Variants in PARD3 observed in about 807,000 individuals in gnomAD.
PARD3 encodes the protein partitioning defective 3 homolog.
Under a neutral mutation model 155.4 loss-of-function variants are expected in PARD3, and 75 were observed. That is an observed-to-expected ratio of 0.48 (90% confidence interval 0.40 to 0.58). The LOEUF is 0.58. Ranked by LOEUF, PARD3 falls within the 20% of genes least tolerant of loss-of-function variation. PARD3 has a pLI of 0.00. For missense variants in PARD3, 1,642 were observed against 1,721.7 expected (o/e 0.95, Z 0.82); for synonymous variants, 576 against 610.5 (o/e 0.94, Z 0.83).
chr10:34,345,739 C>A (rs1837347092), intron 15 of PARD3: 2 of 985,200 alleles, frequency 2.0e-6, no homozygotes, highest in African/African-American at 3.5e-5. Context: ...TTGCCCCATA[C>A]CTCTCCTAAT....
chr10:34,310,110 A>G (rs1957626681), intron 20 of PARD3, among the ~76,000 whole-genome samples: 1 of 152,194 alleles, frequency 6.6e-6, no homozygotes, highest in Non-Finnish European at 1.5e-5. Flanking sequence ...ACCTTTATAT[A>G]CTAATTTGTG....
intron 1 of PARD3, among the ~76,000 whole-genome samples, chr10:34,811,897 C>T (rs979337384): frequency 6.6e-6 from 1 of 152,164 alleles, no homozygotes. Flanking sequence ...CCATGTAACG[C>T]GGTTCCCAAT....
At chr10:34,561,719 C>T (rs376170462) in intron 2 of PARD3, among the ~76,000 whole-genome samples, 12 of 151,612 alleles carry the variant, frequency 7.9e-5, no homozygotes, top group Admixed American at 4.6e-4. Flanking sequence ...GGTTTCTCCA[C>T]GTTGGTCAGG....
intron 15 of PARD3, chr10:34,345,676 A>T: frequency 1.0e-6 from 1 of 985,428 alleles, no homozygotes; most frequent in Non-Finnish European, 1.2e-6. Context: ...AGAAAAACAT[A>T]AATCCGAATT....
At chr10:34,164,191 T>TA (rs563335782) in intron 22 of PARD3, among the ~76,000 whole-genome samples, 32 of 152,064 alleles carry the variant, frequency 2.1e-4, no homozygotes, top group Non-Finnish European at 3.8e-4. Context: ...GAATTGGCCA[T>TA]AAAAAAAACC....
chr10:34,223,610 AAAAC>A (rs1169243145), intron 22 of PARD3, among the ~76,000 whole-genome samples: 1 of 152,236 alleles, frequency 6.6e-6, no homozygotes. Context: ...TAAAGGATAA[AAAAC>A]AATCAAGAGA....
At chr10:34,205,544 G>A (rs932088700) in intron 22 of PARD3, among the ~76,000 whole-genome samples, 63 of 152,148 alleles carry the variant, frequency 4.1e-4, no homozygotes, top group African/African-American at 1.4e-3. Context: ...AGTGCGGTAA[G>A]GTGTCAGATG....
At chr10:34,444,624 G>A (rs543052974) in intron 5 of PARD3, among the ~76,000 whole-genome samples, 65 of 152,148 alleles carry the variant, frequency 4.3e-4, no homozygotes, top group African/African-American at 1.4e-3. Flanking sequence ...TGAAAACCCC[G>A]GCTACTCTTT....
At chr10:34,525,253 C>T (rs1046902277) in intron 2 of PARD3, among the ~76,000 whole-genome samples, 1 of 152,174 alleles carries the variant, frequency 6.6e-6, no homozygotes, top group East Asian at 1.9e-4. Flanking sequence ...ATTAATTCCA[C>T]GCTTCATCAG....
At chr10:34,568,413 C>T (rs868177591) in intron 2 of PARD3, among the ~76,000 whole-genome samples, 28 of 152,068 alleles carry the variant, frequency 1.8e-4, no homozygotes, top group African/African-American at 6.8e-4. Context: ...AAATCTTGCT[C>T]GTTTTGAAAG....
At chr10:34,365,872 G>A (rs923302571) in intron 12 of PARD3, among the ~76,000 whole-genome samples, 2 of 152,132 alleles carry the variant, frequency 1.3e-5, no homozygotes, top group African/African-American at 4.8e-5. Flanking sequence ...ACAGGCATGA[G>A]CCACCAAGCC....
chr10:34,570,128 C>T (rs2134144146), intron 2 of PARD3, among the ~76,000 whole-genome samples: 1 of 152,288 alleles, frequency 6.6e-6, no homozygotes, highest in South Asian at 2.1e-4. Flanking sequence ...AAGTTGCTTA[C>T]TCTCCCAGTT....
chr10:34,700,301 A>G (rs1729043342), intron 1 of PARD3, among the ~76,000 whole-genome samples: 1 of 152,204 alleles, frequency 6.6e-6, no homozygotes, highest in Non-Finnish European at 1.5e-5. Flanking sequence ...TCCTAAGACT[A>G]AGAATGGAAG....
chr10:34,263,742 T>C (rs1414937123), intron 22 of PARD3, among the ~76,000 whole-genome samples: 2 of 152,194 alleles, frequency 1.3e-5, no homozygotes, highest in African/African-American at 4.8e-5. Flanking sequence ...CTTCTTACTT[T>C]ATAGCAGGAT....
intron 2 of PARD3, among the ~76,000 whole-genome samples, chr10:34,577,101 T>G (rs1324231942): frequency 6.6e-6 from 1 of 152,162 alleles, no homozygotes; most frequent in Non-Finnish European, 1.5e-5. Flanking sequence ...TACTAATGAC[T>G]AGGCAAAGAG....
At chr10:34,629,848 C>T (rs2092171401) in intron 2 of PARD3, among the ~76,000 whole-genome samples, 1 of 152,114 alleles carries the variant, frequency 6.6e-6, no homozygotes, top group Admixed American at 6.5e-5. Context: ...CAGTGGTCTA[C>T]AGTGTTAATT....
intron 6 of PARD3, among the ~76,000 whole-genome samples, chr10:34,401,508 T>A (rs1489775545): frequency 1.3e-5 from 2 of 152,202 alleles, no homozygotes; most frequent in South Asian, 2.1e-4. Flanking sequence ...CACAAAGCAA[T>A]CTGAAAAGAG....
rs150814946 is a variant in PARD3 at position 34,412,118 on chromosome 10, G to A, written c.715-10201C>T. Among the ~76,000 whole-genome samples, 9 of 151,856 alleles carry A rather than the reference G, an allele frequency of 5.9e-5. No homozygotes were observed. The East Asian group carries it at 7.7e-4, about 13-fold the overall frequency. On this transcript the variant is annotated intron_variant, in intron 5 of 24. Coordinates refer to ENST00000374788, the MANE Select transcript of PARD3 (RefSeq NM_001184785.2). ...GCTAGGACTAAAGGTGTGCATCATC[G>A]CACCTGGCCAATTTTTTAAATATTT...
chr10:34,702,750 C>T (rs2094303158), intron 1 of PARD3, among the ~76,000 whole-genome samples: 1 of 152,168 alleles, frequency 6.6e-6, no homozygotes, highest in Admixed American at 6.5e-5. Flanking sequence ...GGAATCTGGC[C>T]CAGTCCAGGG....
Sources: gnomAD v4.1 joint callset for allele counts (sites outside exome capture counted in the v4.1 genomes callset) on GRCh38, gnomAD v4.1.1 for gene constraint, MANE v1.5 for transcripts, NCBI Gene and HGNC (gene_info 2026-07-23, HGNC 2026-07-21) for gene names.